The following GRID1 variants were observed in gnomAD, a reference collection of about 807,000 sequenced individuals.
GRID1 encodes glutamate ionotropic receptor delta type subunit 1, also known as glutamate receptor ionotropic, delta-1.
Under a neutral mutation model 98.0 loss-of-function variants are expected in GRID1, and 28 were observed. The ratio of observed to expected loss-of-function variants is 0.29; its 90% CI spans 0.21 to 0.39. GRID1 has a LOEUF of 0.39. Ranked by LOEUF, GRID1 falls within the 10% of genes least tolerant of loss-of-function variation. The pLI, the probability that GRID1 is intolerant of heterozygous loss-of-function variation, is 1.00. For missense variants in GRID1, 1,111 were observed against 1,340.5 expected, an observed-to-expected ratio of 0.83 and a Z score of 2.67; for synonymous variants, 553 against 538.5, an observed-to-expected ratio of 1.03 and a Z score of -0.37.
chr10:86,363,339 C>A (rs1848626968), intron 2 of GRID1, among the ~76,000 whole-genome samples: 1 of 152,232 alleles, frequency 6.6e-6, no homozygotes, highest in African/African-American at 2.4e-5. Context: ...GGCGGCGGCG[C>A]CTCCGCCCGC....
chr10:86,139,505 C>T (rs1306738941), intron 3 of GRID1, among the ~76,000 whole-genome samples: 1 of 152,222 alleles, frequency 6.6e-6, no homozygotes, highest in Non-Finnish European at 1.5e-5. Context: ...AGCCCTCAGT[C>T]CCTGCACCAA....
At position 85,602,582 on chromosome 10, in the gene GRID1, G is replaced by A. The variant is rs761296940; in HGVS notation, c.2721C>T (p.Gly907=). The change falls in exon 16 of 16, where the codon GGC becomes GGT. Residue 907 remains glycine, a synonymous_variant. Coordinates refer to ENST00000327946, the MANE Select transcript of GRID1 (RefSeq NM_017551.3). The part of the protein sequence containing the change: ...SIELSALEMG[G]LAPTQTLEPT... ...GCTCCAAGGTCTGGGTGGGAGCCAG[G>A]CCCCCCATCTCCAGGGCCGAGAGCT... 36 of 1,613,868 alleles carry A rather than the reference G, an allele frequency of 2.2e-5. No homozygotes were observed. The highest frequency in any genetic ancestry group is 2.8e-5 in the Non-Finnish European group (33 of 1,179,902).
rs543843136 is a variant in GRID1, at chr10:86,010,887, G to A, written c.727-94648C>T. Among the ~76,000 whole-genome samples, 236 of 151,336 alleles carry A rather than the reference G, an allele frequency of 1.6e-3. 1 individual carries two copies. Among genetic ancestry groups the A allele is most frequent in the African/African-American group, 5.5e-3 (226 of 41,250 alleles). ...TATGTGTTTGTGTAGAAAAAAATAA[G>A]GCAGAAGAAATATGCGCAAAATTAG... On this transcript the variant is annotated intron_variant, in intron 4 of 15. Coordinates refer to ENST00000327946, the MANE Select transcript of GRID1 (RefSeq NM_017551.3).
intron 4 of GRID1, among the ~76,000 whole-genome samples, chr10:85,994,060 C>T (rs1056987590): frequency 2.6e-5 from 4 of 152,200 alleles, no homozygotes; most frequent in Non-Finnish European, 5.9e-5. Flanking sequence ...GCCATCTTCC[C>T]TGATGAACCA....
chr10:85,621,965 G>T (rs1842863819), intron 13 of GRID1, among the ~76,000 whole-genome samples: 1 of 152,136 alleles, frequency 6.6e-6, no homozygotes, highest in Non-Finnish European at 1.5e-5. Flanking sequence ...TTATTTCTAT[G>T]ATTTCAAAAG....
chr10:86,105,552 C>T (rs756594328), intron 4 of GRID1, among the ~76,000 whole-genome samples: 28 of 152,196 alleles, frequency 1.8e-4, no homozygotes, highest in Non-Finnish European at 3.8e-4. Flanking sequence ...GTGGGGAACA[C>T]GCTCTTCAAT....
At position 86,363,562 on chromosome 10, in the gene GRID1, C is replaced by A. The variant is rs1187976489; in HGVS notation, c.235+379G>T. ...CGGGCCACTGAGATCAGGGGAGGTG[C>A]GCCCGATACAGGTACCCGGCACGCA... On this transcript the variant is annotated intron_variant, in intron 2 of 15. Coordinates refer to ENST00000327946, the MANE Select transcript of GRID1 (RefSeq NM_017551.3). Among the ~76,000 whole-genome samples, 7 of 152,188 alleles carry A rather than the reference C, an allele frequency of 4.6e-5. No individual in the cohort carries two copies. In the South Asian group the frequency reaches 1.2e-3, roughly 27 times the overall value.
intron 8 of GRID1, among the ~76,000 whole-genome samples, chr10:85,791,216 C>T (rs1008926578): frequency 6.6e-6 from 1 of 152,222 alleles, no homozygotes; most frequent in Admixed American, 6.5e-5. Context: ...CCAAATCCAA[C>T]AGGAGGCCAA....
At chr10:85,962,018 A>C (rs1842274462) in intron 4 of GRID1, among the ~76,000 whole-genome samples, 2 of 152,322 alleles carry the variant, frequency 1.3e-5, no homozygotes, top group African/African-American at 4.8e-5. Flanking sequence ...AGAAGGAAGG[A>C]AGGAAAGAAG....
At chr10:85,626,169 T>C (rs572700350) in intron 13 of GRID1, among the ~76,000 whole-genome samples, 43 of 152,272 alleles carry the variant, frequency 2.8e-4, no homozygotes, top group South Asian at 8.3e-4. Flanking sequence ...CTGATCCCTT[T>C]TTTATCCATA....
intron 5 of GRID1, among the ~76,000 whole-genome samples, chr10:85,873,308 G>A (rs1843297169): frequency 6.6e-6 from 1 of 152,176 alleles, no homozygotes; most frequent in South Asian, 2.1e-4. Flanking sequence ...ATTCCCTCCA[G>A]TAGTGCAGCC....
chr10:86,091,264 T>C (rs932758946), intron 4 of GRID1, among the ~76,000 whole-genome samples: 1 of 152,186 alleles, frequency 6.6e-6, no homozygotes, highest in East Asian at 1.9e-4. Context: ...TCTCGCACTC[T>C]GCCTGGAAAC....
At chr10:85,684,387 A>G (rs977545781) in intron 12 of GRID1, among the ~76,000 whole-genome samples, 1 of 152,246 alleles carries the variant, frequency 6.6e-6, no homozygotes, top group Non-Finnish European at 1.5e-5. Flanking sequence ...AAATTAATAT[A>G]GCAATTGTAA....
chr10:86,222,843 G>A (rs1003775488), intron 2 of GRID1, among the ~76,000 whole-genome samples: 1 of 152,122 alleles, frequency 6.6e-6, no homozygotes, highest in Non-Finnish European at 1.5e-5. Context: ...ACAACACCAA[G>A]CCACAAGGGC....
At chr10:86,142,970 A>G (rs190734913) in intron 3 of GRID1, among the ~76,000 whole-genome samples, 37 of 152,362 alleles carry the variant, frequency 2.4e-4, no homozygotes, top group African/African-American at 8.4e-4. Context: ...GGAGGACATA[A>G]GCCCTCAGAG....
intron 4 of GRID1, among the ~76,000 whole-genome samples, chr10:86,041,611 C>G (rs1843346236): frequency 6.6e-6 from 1 of 152,110 alleles, no homozygotes; most frequent in African/African-American, 2.4e-5. Flanking sequence ...GGTTCAAAGC[C>G]CAGTACCCCA....
intron 2 of GRID1, 147 bp downstream of exon 2, chr10:86,363,793 GA>G (rs1024352915): frequency 9.1e-6 from 6 of 658,814 alleles, no homozygotes; most frequent in Admixed American, 6.3e-5. Flanking sequence ...GTGGGCCGGG[GA>G]AGGCGCGCCA....
intron 12 of GRID1, among the ~76,000 whole-genome samples, chr10:85,698,146 C>A (rs914810845): frequency 6.6e-6 from 1 of 152,042 alleles, no homozygotes; most frequent in African/African-American, 2.4e-5. Flanking sequence ...AAATTTAAAA[C>A]ATTGTGCTGT....
chr10:85,979,234 G>C (rs1317033025), intron 4 of GRID1, among the ~76,000 whole-genome samples: 1 of 152,116 alleles, frequency 6.6e-6, no homozygotes, highest in African/African-American at 2.4e-5. Context: ...CATCTGGAGA[G>C]GTCTGACCAC....
Sources: gnomAD v4.1 joint callset for allele counts (sites outside exome capture counted in the v4.1 genomes callset) on GRCh38, gnomAD v4.1.1 for gene constraint, MANE v1.5 for transcripts, NCBI Gene and HGNC (gene_info 2026-07-23, HGNC 2026-07-21) for gene names.